ARHGEF16: variants seen among roughly 807,000 people sequenced by gnomAD.
ARHGEF16 encodes Rho guanine nucleotide exchange factor 16.
Under a neutral mutation model 74.1 loss-of-function variants are expected in ARHGEF16, and 59 were observed. The ratio of observed to expected loss-of-function variants is 0.80; its 90% CI spans 0.65 to 0.99. The LOEUF is 0.99. ARHGEF16 is among the 50% of genes least tolerant of loss of function. The probability of loss-of-function intolerance (pLI) is 0.00; values close to 1 mark genes in which losing one functional copy is unlikely to be tolerated. For synonymous variants in ARHGEF16, 415 were observed against 412.6 expected (o/e 1.01, Z -0.07); for missense variants, 948 against 986.6 (o/e 0.96, Z 0.52).
chr1:3,467,104 T>G (rs1639567748), intron 3 of ARHGEF16, 64 bp from the exon 4 acceptor site: 2 of 1,485,486 alleles, frequency 1.3e-6, no homozygotes, highest in Non-Finnish European at 1.8e-6. Context: ...AGCTGGCGGG[T>G]TGCAGGGAGG....
chr1:3,477,916 C>G lies in ARHGEF16; in HGVS notation c.1515C>G (p.Arg505=), dbSNP rs112078338. The G allele has an allele frequency of 6.8e-6, 11 of 1,612,668 alleles. No individual in the cohort carries two copies. Among genetic ancestry groups the G allele is most frequent in the Admixed American group, 3.3e-5 (2 of 60,020 alleles). Residue 505 remains arginine (R), a synonymous_variant, in exon 11 of 15, where the codon CGC becomes CGG. Coordinates refer to ENST00000378378, the MANE Select transcript of ARHGEF16 (RefSeq NM_014448.4). ...CTGCCTCCCGGTGGCTGCTGAAGCG[C>G]GGAGAGCTGTTCTTAGTGGAAGAAA... ...LISASRWLLK[R]GELFLVEETG...
chr1:3,461,830 T>C (rs189345641), intron 1 of ARHGEF16, among the ~76,000 whole-genome samples: 1 of 152,124 alleles, frequency 6.6e-6, no homozygotes, highest in East Asian at 1.9e-4. Context: ...CCTATAGTCA[T>C]GGCAGCCAGG....
chr1:3,467,045 AG>A, intron 3 of ARHGEF16, 122 bp from the exon 4 acceptor site: 1 of 1,079,648 alleles, frequency 9.3e-7, no homozygotes, highest in Non-Finnish European at 1.3e-6. Context: ...CCCCTCCCAA[AG>A]CCTCCCTCTC....
intron 11 of ARHGEF16, 190 bp downstream of exon 11, chr1:3,478,216 C>G: frequency 1.1e-6 from 1 of 917,510 alleles, no homozygotes; most frequent in Admixed American, 2.7e-5. Context: ...CCTCTGACCT[C>G]CTCTGCAGAC....
At chr1:3,478,325 C>G (rs1406808034) in intron 11 of ARHGEF16, 99 bp from the exon 12 acceptor site, 6 of 1,346,972 alleles carry the variant, frequency 4.5e-6, no homozygotes, top group South Asian at 1.4e-5. Flanking sequence ...GCTGCCTCCC[C>G]ACCACTGCAG....
chr1:3,462,667 G>C (rs1354200969), intron 1 of ARHGEF16, among the ~76,000 whole-genome samples: 5 of 152,226 alleles, frequency 3.3e-5, no homozygotes, highest in African/African-American at 1.2e-4. Flanking sequence ...CAGGGCTCCA[G>C]GGCCATGCAC....
intron 6 of ARHGEF16, among the ~76,000 whole-genome samples, chr1:3,470,082 G>T (rs1043097898): frequency 6.6e-6 from 1 of 152,196 alleles, no homozygotes; most frequent in South Asian, 2.1e-4. Context: ...ATGCACGGGG[G>T]TATGTGCGTG....
At chr1:3,463,009 AC>A (rs1280662147) in intron 1 of ARHGEF16, 56 bp from the exon 2 acceptor site, 3 of 1,260,584 alleles carry the variant, frequency 2.4e-6, no homozygotes, top group African/African-American at 1.5e-5. Flanking sequence ...GGGGGTGGAC[AC>A]CCGCGGGGGC....
chr1:3,479,339 T>C (rs562178654), intron 12 of ARHGEF16, among the ~76,000 whole-genome samples, 178 bp from the exon 13 acceptor site: 242 of 151,894 alleles, frequency 1.6e-3, no homozygotes, highest in African/African-American at 5.6e-3. Context: ...CTCTGTGACC[T>C]GGGGCTGGGG....
chr1:3,480,486 G>A lies in ARHGEF16; in HGVS notation c.2029G>A (p.Gly677Arg), dbSNP rs1640026328. 1 of 1,612,514 alleles carries A rather than the reference G, an allele frequency of 6.2e-7. No homozygotes were observed. The highest frequency in any genetic ancestry group is 1.3e-5 in the African/African-American group (1 of 74,952). Reference sequence around the variant, plus strand: ...CGAGAGGCTCCGGGACGGAGAGACGGGATGGTTCCCCGAGGACTTTGCCCG... The same window carrying A: ...CGAGAGGCTCCGGGACGGAGAGACGAGATGGTTCCCCGAGGACTTTGCCCG... ...YGERLRDGET[G>R]WFPEDFARFI... Residue 677 changes from glycine (G) to arginine (R), a missense_variant, in exon 15 of 15, where the codon GGA becomes AGA. Physicochemically the swap from Gly to Arg is moderately radical, Grantham distance 125. Coordinates refer to ENST00000378378, the MANE Select transcript of ARHGEF16 (RefSeq NM_014448.4).
chr1:3,480,607 C>T lies in ARHGEF16; in HGVS notation c.*20C>T, dbSNP rs746545191. Reference sequence around the variant, plus strand: ...GTGTAGCCCTGGCGAGGCCAGCCGGCGGCAGCACAGCCTGTCTCCAATCAG... The same window carrying T: ...GTGTAGCCCTGGCGAGGCCAGCCGGTGGCAGCACAGCCTGTCTCCAATCAG... On this transcript the variant is annotated 3_prime_UTR_variant, in exon 15 of 15. Coordinates refer to ENST00000378378, the MANE Select transcript of ARHGEF16 (RefSeq NM_014448.4). The T allele has an allele frequency of 2.1e-5, 34 of 1,599,016 alleles. No individual in the cohort carries two copies. The highest frequency in any genetic ancestry group is 1.7e-4 in the Middle Eastern group (1 of 6,042).
intron 1 of ARHGEF16, among the ~76,000 whole-genome samples, chr1:3,456,798 G>C (rs1002368475): frequency 1.3e-5 from 2 of 152,252 alleles, no homozygotes; most frequent in Non-Finnish European, 2.9e-5. Context: ...TGGCAGCAGA[G>C]CCAGGGACAG....
rs760995363 is a variant in ARHGEF16, at chr1:3,463,324, C to T, written c.240C>T (p.Ala80=). 2 of 1,550,186 alleles carry T rather than the reference C, an allele frequency of 1.3e-6. No individual in the cohort carries two copies. The highest frequency in any genetic ancestry group is 2.4e-5 in the South Asian group (2 of 84,056). Residue 80 remains alanine (A), a synonymous_variant, in exon 2 of 15, where the codon GCC becomes GCT. Coordinates refer to ENST00000378378, the MANE Select transcript of ARHGEF16 (RefSeq NM_014448.4). ...PIVLSTESPA[A]LKLGTQQLIP... is the part of the protein sequence containing the mutation. ...TCCTGAGCACAGAGAGCCCGGCGGC[C>T]CTCAAGCTGGGCACCCAACAGCTGA...
rs781559118 is a variant in ARHGEF16 at position 3,479,912 on chromosome 1, T to C, written c.1989T>C (p.Asp663=). ...TGGTCCTGGTTCTGCAGCAGGAGGATGGTGAGTGCAGGGGCGTTGGGCACA... is the reference window on the plus strand; with the variant it reads ...TGGTCCTGGTTCTGCAGCAGGAGGACGGTGAGTGCAGGGGCGTTGGGCACA... ...ADVVLVLQQE[D]GWLYGERLRD... Residue 663 remains aspartate (D), a splice_region_variant and synonymous_variant, in exon 14 of 15, where the codon GAT becomes GAC. Transcript: ENST00000378378. 8 of 1,611,992 alleles carry C rather than the reference T, an allele frequency of 5.0e-6. No individual in the cohort carries two copies. The South Asian group carries it at 7.7e-5, about 15-fold the overall frequency.
At chr1:3,470,663 G>A (rs1214916770) in intron 6 of ARHGEF16, among the ~76,000 whole-genome samples, 2 of 150,326 alleles carry the variant, frequency 1.3e-5, no homozygotes, top group Non-Finnish European at 3.0e-5. Context: ...GGTCAGGGAT[G>A]TATGTGAGTA....
chr1:3,462,287 T>C (rs1639417576), intron 1 of ARHGEF16, among the ~76,000 whole-genome samples: 1 of 152,132 alleles, frequency 6.6e-6, no homozygotes, highest in South Asian at 2.1e-4. Context: ...GAGACCAGAA[T>C]TGTCAGCTTT....
intron 6 of ARHGEF16, 162 bp from the exon 7 acceptor site, chr1:3,472,906 CAGGTCCGGGT>C: frequency 2.5e-6 from 1 of 401,520 alleles, no homozygotes; most frequent in East Asian, 5.6e-5. Context: ...TCCAGCATCC[CAGGTCCGGGT>C]CCCGCCCCAA....
Position 3,463,268 on chromosome 1 carries a change from C to A in ARHGEF16, c.184C>A (p.Pro62Thr), listed in dbSNP as rs1383565517. ...PQVPAPPQPR[P>T]PGHEEPWPIV... ...GGTCCCGGCACCCCCACAGCCTCGG[C>A]CCCCGGGGCACGAGGAGCCATGGCC... Residue 62 changes from proline (P) to threonine (T), a missense_variant, in exon 2 of 15, where the codon CCC becomes ACC. By Grantham distance (38) the Pro-to-Thr change is conservative. Coordinates refer to ENST00000378378, the MANE Select transcript of ARHGEF16 (RefSeq NM_014448.4). 6.5e-7 allele frequency: 1 copy of A among 1,549,608 alleles called. No individual in the cohort carries two copies. The highest frequency in any genetic ancestry group is 8.7e-7 in the Non-Finnish European group (1 of 1,146,584).
In ARHGEF16 at chr1:3,463,317, C is replaced by T. The variant is rs563433554; in HGVS notation, c.233C>T (p.Pro78Leu). ...CCCATCGTCCTGAGCACAGAGAGCC[C>T]GGCGGCCCTCAAGCTGGGCACCCAA... ...PWPIVLSTESPAALKLGTQQL... is the reference protein window; with the variant it reads ...PWPIVLSTESLAALKLGTQQL... Residue 78 changes from proline to leucine, a missense_variant, in exon 2 of 15, where the codon CCG (proline) becomes CTG (leucine). Physicochemically the swap from Pro to Leu is moderately conservative, Grantham distance 98 (BLOSUM62 -3). Coordinates refer to ENST00000378378, the MANE Select transcript of ARHGEF16 (RefSeq NM_014448.4). 95 of 1,550,080 alleles carry T rather than the reference C, an allele frequency of 6.1e-5. 1 individual carries two copies. In the South Asian group the frequency reaches 6.3e-4, roughly 10 times the overall value.
Sources: allele counts gnomAD v4.1 joint callset (sites outside exome capture counted in the v4.1 genomes callset), GRCh38; gene constraint gnomAD v4.1.1; transcripts MANE v1.5; gene names NCBI Gene and HGNC (gene_info 2026-07-23, HGNC 2026-07-21).